The following SRGAP2 variants were observed in gnomAD, a reference collection of about 807,000 sequenced individuals.
The protein encoded by SRGAP2 is SLIT-ROBO Rho GTPase activating protein 2.
Under a neutral mutation model 57.2 loss-of-function variants are expected in SRGAP2, and 15 were observed. That is an observed-to-expected ratio of 0.26 (90% CI 0.18 to 0.40). The LOEUF (loss-of-function observed/expected upper bound fraction) is 0.40. Among genes scored for constraint, SRGAP2 ranks in the 10% least tolerant of loss-of-function variants. The pLI is 1.00. For synonymous variants in SRGAP2, 249 were observed against 248.0 expected, an observed-to-expected ratio of 1.00 and a Z score of -0.04; for missense variants, 520 against 669.6, an observed-to-expected ratio of 0.78 and a Z score of 2.47.
Position 206,437,966 on chromosome 1 carries a change from G to A in SRGAP2, c.1636G>A (p.Glu546Lys). 1.3e-6 allele frequency: 1 copy of A among 780,758 alleles called. No individual in the cohort carries two copies. Among genetic ancestry groups the A allele is most frequent in the South Asian group, 1.3e-5 (1 of 74,618 alleles). The allele number at this position is 780,758 out of a possible 1,614,324, so 48.4% of individuals were successfully genotyped here. A position where few individuals can be genotyped will look rare whatever the true frequency, so the allele number is the denominator to read the frequency against. The change falls in exon 16 of 23, where the codon GAG (glutamate) becomes AAG (lysine). Residue 546 changes from glutamate (E) to lysine (K), a missense_variant and splice_region_variant. This residue lies in a region of SRGAP2 where 478 missense variants were observed against 373.6 expected (regional missense o/e 1.28). Coordinates refer to ENST00000573034, the MANE Select transcript of SRGAP2 (RefSeq NM_015326.5). ...TCGTGGGGGTTGCTTATCCTCAGGAGAGGACCCCCTGGCTGGGGACCAGAA... is the reference window on the plus strand; with the variant it reads ...TCGTGGGGGTTGCTTATCCTCAGGAAAGGACCCCCTGGCTGGGGACCAGAA... The part of the protein sequence containing the change: ...NDIKNAFERG[E>K]DPLAGDQNDH...
chr1:206,318,601 T>A (rs1244634596), intron 3 of SRGAP2, among the ~76,000 whole-genome samples: 1 of 152,248 alleles, frequency 6.6e-6, no homozygotes, highest in African/African-American at 2.4e-5. Flanking sequence ...AAAGGTTTGA[T>A]TGGCTCATGG....
chr1:206,375,629 A>G (rs1229752589), intron 4 of SRGAP2, among the ~76,000 whole-genome samples: 2 of 152,134 alleles, frequency 1.3e-5, no homozygotes, highest in Non-Finnish European at 2.9e-5. Flanking sequence ...GAACATTCAG[A>G]TTATTATAGG....
chr1:206,360,797 GAAGT>G (rs1676852213), intron 4 of SRGAP2, among the ~76,000 whole-genome samples: 1 of 148,014 alleles, frequency 6.8e-6, no homozygotes, highest in Non-Finnish European at 1.5e-5. Context: ...GAGCCAATGA[GAAGT>G]AACTTGCCTT....
intron 4 of SRGAP2, among the ~76,000 whole-genome samples, chr1:206,347,068 T>C (rs2102938687): frequency 6.8e-6 from 1 of 146,854 alleles, no homozygotes; most frequent in East Asian, 2.0e-4. Context: ...ATAGCAAGAC[T>C]CTGTCTCTAC....
At chr1:206,290,830 C>A (rs1233729968) in intron 2 of SRGAP2, among the ~76,000 whole-genome samples, 1 of 151,650 alleles carries the variant, frequency 6.6e-6, no homozygotes, top group African/African-American at 2.4e-5. Context: ...TGCCCAAGGT[C>A]ACACATAGCT....
At chr1:206,262,667 T>C (rs1669634623) in intron 2 of SRGAP2, among the ~76,000 whole-genome samples, 1 of 148,996 alleles carries the variant, frequency 6.7e-6, no homozygotes, top group Non-Finnish European at 1.5e-5. Context: ...TCTTGCTTGC[T>C]GTATATCTGC....
At chr1:206,370,070 C>A (rs1183612214) in intron 4 of SRGAP2, among the ~76,000 whole-genome samples, 2 of 150,698 alleles carry the variant, frequency 1.3e-5, no homozygotes, top group African/African-American at 4.9e-5. Flanking sequence ...TCGAGACCAT[C>A]CTGGCTAACA....
chr1:206,362,911 A>G (rs1172783544), intron 4 of SRGAP2, among the ~76,000 whole-genome samples: 1 of 152,166 alleles, frequency 6.6e-6, no homozygotes, highest in Admixed American at 6.5e-5. Context: ...GTGGCCCCTG[A>G]TATTGAATAC....
intron 3 of SRGAP2, among the ~76,000 whole-genome samples, chr1:206,332,912 G>A (rs1247059870): frequency 6.6e-6 from 1 of 151,674 alleles, no homozygotes; most frequent in Non-Finnish European, 1.5e-5. Flanking sequence ...CAGTTTTTCT[G>A]TTCTGTTTTT....
intron 13 of SRGAP2, among the ~76,000 whole-genome samples, chr1:206,427,050 C>T (rs12071804): frequency 0.023 from 3,431 of 152,004 alleles, 53 homozygotes; most frequent in African/African-American, 0.037. Context: ...CAGACCAGTA[C>T]CCTTGAAGCA....
chr1:206,329,671 G>GAGA (rs1553331227), intron 3 of SRGAP2, among the ~76,000 whole-genome samples: 1 of 139,452 alleles, frequency 7.2e-6, no homozygotes, highest in Non-Finnish European at 1.5e-5. Flanking sequence ...CTGAGACTTT[G>GAGA]CTGAAGTTGC....
chr1:206,292,817 G>T (rs1671402536), intron 2 of SRGAP2, among the ~76,000 whole-genome samples: 1 of 150,622 alleles, frequency 6.6e-6, no homozygotes, highest in Non-Finnish European at 1.5e-5. Flanking sequence ...TTCTAGACTT[G>T]ACCTCTCCTG....
In SRGAP2 at chr1:206,454,782, G is replaced by A. The variant is rs1275901278; in HGVS notation, c.2361-96G>A. 11 of 642,912 alleles carry A rather than the reference G, an allele frequency of 1.7e-5. No individual in the cohort carries two copies. The highest frequency in any genetic ancestry group is 7.3e-5 in the South Asian group (4 of 55,108). 39.8% of individuals were successfully genotyped at this position (642,912 alleles called of 1,614,324 possible). On this transcript the variant is annotated intron_variant, in intron 20 of 22. Transcript: ENST00000573034. The surrounding 1 kb of genome is among the most constrained non-coding windows in gnomAD (Gnocchi z 4.3). ...TGCTGCCTCAGAGCTGTGTGGGGTC[G>A]CGTGTATGTCGGGGGGCCATCTTGC...
At chr1:206,456,795 C>G (rs1425008530) in intron 21 of SRGAP2, among the ~76,000 whole-genome samples, 1 of 152,122 alleles carries the variant, frequency 6.6e-6, no homozygotes, top group Non-Finnish European at 1.5e-5. Flanking sequence ...AGTCTTACCT[C>G]CTGCCCCCCA....
chr1:206,309,469 A>G (rs1672471591), intron 3 of SRGAP2, among the ~76,000 whole-genome samples: 1 of 150,574 alleles, frequency 6.6e-6, no homozygotes, highest in African/African-American at 2.5e-5. Flanking sequence ...AAGAGCAAAA[A>G]AAAAAAAAAA....
intron 12 of SRGAP2, among the ~76,000 whole-genome samples, chr1:206,420,513 T>C (rs1660201098): frequency 1.3e-5 from 2 of 152,290 alleles, no homozygotes; most frequent in Admixed American, 6.5e-5. Context: ...TTTCCTCTTA[T>C]AGAAGACCAG....
At chr1:206,246,785 C>T (rs1282147892) in intron 2 of SRGAP2, among the ~76,000 whole-genome samples, 1 of 29,542 alleles carries the variant, frequency 3.4e-5, no homozygotes, top group Non-Finnish European at 6.6e-5. Flanking sequence ...TTGACTAGGC[C>T]AGGTATGGAG....
chr1:206,218,638 CTTTAATCAGGATGT>C (rs1666803724), intron 2 of SRGAP2, among the ~76,000 whole-genome samples: 1 of 151,662 alleles, frequency 6.6e-6, no homozygotes, highest in Admixed American at 6.6e-5. Context: ...GACTGGATCA[CTTTAATCAGGATGT>C]TTTAATCAGG....
intron 4 of SRGAP2, among the ~76,000 whole-genome samples, chr1:206,354,576 ATTG>A (rs1178620608): frequency 6.6e-6 from 1 of 151,936 alleles, no homozygotes; most frequent in African/African-American, 2.4e-5. Flanking sequence ...TATCTGTTCA[ATTG>A]TTGATGGCAT....
Sources: gnomAD v4.1 joint callset for allele counts (sites outside exome capture counted in the v4.1 genomes callset) on GRCh38, gnomAD v4.1.1 for gene constraint, gnomAD v4.1.1 regional missense constraint, Gnocchi (gnomAD v3.1) non-coding constraint, MANE v1.5 for transcripts, NCBI Gene and HGNC (gene_info 2026-07-23, HGNC 2026-07-21) for gene names.